PCDH15: variants seen among roughly 807,000 people sequenced by gnomAD.
The protein encoded by PCDH15 is protocadherin-15.
Under a neutral mutation model 178.5 loss-of-function variants are expected in PCDH15, and 129 were observed. The ratio of observed to expected loss-of-function variants is 0.72; its 90% CI spans 0.63 to 0.84. The LOEUF (loss-of-function observed/expected upper bound fraction) is 0.84. Ranked by LOEUF, PCDH15 falls within the 40% of genes least tolerant of loss-of-function variation. PCDH15 has a pLI of 0.00. For synonymous variants in PCDH15, 800 were observed against 732.0 expected (o/e 1.09, Z -1.50); for missense variants, 2,230 against 2,099.9 (o/e 1.06, Z -1.21).
At chr10:54,705,435 T>C (rs78286879) in intron 1 of PCDH15, among the ~76,000 whole-genome samples, 10,196 of 152,214 alleles carry the variant, frequency 0.067, 415 homozygotes, top group South Asian at 0.15. Context: ...GTTCAAATTA[T>C]GGCTCCATCA....
intron 1 of PCDH15, among the ~76,000 whole-genome samples, chr10:55,190,438 T>C (rs1233136095): frequency 2.6e-5 from 4 of 151,728 alleles, no homozygotes; most frequent in Non-Finnish European, 4.4e-5. Context: ...TAAGAAGTTA[T>C]ATAAAGCAGT....
chr10:55,589,366 G>C (rs911022177), intron 2 of PCDH15, among the ~76,000 whole-genome samples: 1 of 152,108 alleles, frequency 6.6e-6, no homozygotes, highest in African/African-American at 2.4e-5. Flanking sequence ...AGTAGTTATA[G>C]ATATACGGCG....
At position 55,035,999 on chromosome 10, in the gene PCDH15, C is replaced by G. The variant is rs559776393; in HGVS notation, c.-80+130577G>C. On this transcript the variant is annotated intron_variant, in intron 2 of 5. Transcript: ENST00000458638. ...CTTGCTACGGTTTGAATGTGTCCCCCCAAAGGCATGTGTTAGAAACTTAAT... is the reference window on the plus strand; with the variant it reads ...CTTGCTACGGTTTGAATGTGTCCCCGCAAAGGCATGTGTTAGAAACTTAAT... Among the ~76,000 whole-genome samples, 354 of 152,088 alleles carry G rather than the reference C, an allele frequency of 2.3e-3. 1 individual carries two copies. Among genetic ancestry groups the G allele is most frequent in the South Asian group, 5.2e-3 (25 of 4,802 alleles).
intron 15 of PCDH15, among the ~76,000 whole-genome samples, chr10:54,114,318 T>C (rs2095076890): frequency 6.6e-6 from 1 of 152,202 alleles, no homozygotes; most frequent in Non-Finnish European, 1.5e-5. Flanking sequence ...ATGGTTATCA[T>C]AACTGTCTTC....
At chr10:54,670,991 C>A (rs928383791) in intron 1 of PCDH15, among the ~76,000 whole-genome samples, 13 of 152,042 alleles carry the variant, frequency 8.6e-5, no homozygotes, top group Non-Finnish European at 1.5e-4. Context: ...GTTTTCAGAA[C>A]CTTCATCTAA....
chr10:55,563,798 C>CA (rs959175634), intron 2 of PCDH15, among the ~76,000 whole-genome samples: 5 of 151,152 alleles, frequency 3.3e-5, no homozygotes, highest in Non-Finnish European at 7.4e-5. Flanking sequence ...TAAAAATGAA[C>CA]AAAAAAAATC....
chr10:54,096,847 C>A (rs550872602), intron 15 of PCDH15, among the ~76,000 whole-genome samples: 1 of 152,296 alleles, frequency 6.6e-6, no homozygotes, highest in South Asian at 2.1e-4. Context: ...GTCAAAAAGT[C>A]TTTTCAAATA....
At chr10:54,461,254 T>C (rs1287695116) in intron 3 of PCDH15, among the ~76,000 whole-genome samples, 1 of 152,166 alleles carries the variant, frequency 6.6e-6, no homozygotes, top group African/African-American at 2.4e-5. Flanking sequence ...TTTGTGCTAT[T>C]GTAGCATTAG....
intron 2 of PCDH15, among the ~76,000 whole-genome samples, chr10:55,470,057 T>G (rs564583152): frequency 6.6e-6 from 1 of 152,098 alleles, no homozygotes; most frequent in African/African-American, 2.4e-5. Flanking sequence ...TTTCTCTAAA[T>G]AGTTAAGTAT....
At chr10:55,488,790 T>C (rs1351109288) in intron 2 of PCDH15, among the ~76,000 whole-genome samples, 1 of 151,558 alleles carries the variant, frequency 6.6e-6, no homozygotes, top group East Asian at 2.0e-4. Flanking sequence ...AAATTCAAAG[T>C]TGCCAATGGA....
chr10:54,617,116 G>A (rs979911509), intron 2 of PCDH15, among the ~76,000 whole-genome samples: 4 of 149,428 alleles, frequency 2.7e-5, no homozygotes, highest in East Asian at 4.0e-4. Context: ...AGCCTGTCTC[G>A]AACTCCTGAC....
At chr10:54,397,368 G>A (rs544817325) in intron 3 of PCDH15, among the ~76,000 whole-genome samples, 1 of 152,078 alleles carries the variant, frequency 6.6e-6, no homozygotes, top group African/African-American at 2.4e-5. Context: ...AATTAAATGT[G>A]GTCCAAACTC....
At chr10:54,425,111 T>C (rs535989625) in intron 3 of PCDH15, among the ~76,000 whole-genome samples, 23 of 152,154 alleles carry the variant, frequency 1.5e-4, no homozygotes, top group Admixed American at 6.5e-4. Context: ...TGCATAGAAT[T>C]AGAAAGGTTC....
chr10:55,258,314 G>T (rs1251011369), intron 1 of PCDH15, among the ~76,000 whole-genome samples: 1 of 152,120 alleles, frequency 6.6e-6, no homozygotes, highest in African/African-American at 2.4e-5. Flanking sequence ...ACTAGAACTA[G>T]GTAAGTATTA....
chr10:55,572,409 TAA>T (rs1265134843), intron 2 of PCDH15, among the ~76,000 whole-genome samples: 2 of 151,158 alleles, frequency 1.3e-5, no homozygotes, highest in African/African-American at 4.8e-5. Context: ...TTATGCAATA[TAA>T]ACCACCTAGC....
chr10:54,713,585 GAT>G (rs1374940825), intron 1 of PCDH15, among the ~76,000 whole-genome samples: 1 of 151,936 alleles, frequency 6.6e-6, no homozygotes, highest in East Asian at 1.9e-4. Flanking sequence ...TAGAATTCTG[GAT>G]ATATTTCCAT....
intron 2 of PCDH15, among the ~76,000 whole-genome samples, chr10:55,443,481 C>T (rs764781967): frequency 3.3e-5 from 5 of 152,082 alleles, no homozygotes; most frequent in Non-Finnish European, 5.9e-5. Context: ...AGGTTATGAA[C>T]AGACACTTCT....
At chr10:54,546,524 A>G (rs1184446477) in intron 2 of PCDH15, among the ~76,000 whole-genome samples, 8 of 152,168 alleles carry the variant, frequency 5.3e-5, no homozygotes, top group Non-Finnish European at 7.4e-5. Flanking sequence ...TATAAGAAAT[A>G]AATGCATTGC....
chr10:54,527,722 T>A, intron 3 of PCDH15, 90 bp downstream of exon 3: 2 of 1,064,092 alleles, frequency 1.9e-6, no homozygotes, highest in South Asian at 1.8e-5. Context: ...AAACTTTCAT[T>A]TTAGTACCTC....
Sources: allele counts gnomAD v4.1 joint callset (sites outside exome capture counted in the v4.1 genomes callset), GRCh38; gene constraint gnomAD v4.1.1; transcripts MANE v1.5; gene names NCBI Gene and HGNC (gene_info 2026-07-23, HGNC 2026-07-21).